TRIM71: variants seen among roughly 807,000 people sequenced by gnomAD.
TRIM71 encodes tripartite motif containing 71, also known as E3 ubiquitin-protein ligase TRIM71.
TRIM71 carries 9 observed loss-of-function variants against 61.2 expected under a neutral mutation model. That is an observed-to-expected ratio of 0.15 (90% CI 0.09 to 0.26). The LOEUF (loss-of-function observed/expected upper bound fraction) is 0.26. Among genes scored for constraint, TRIM71 ranks in the 10% least tolerant of loss-of-function variants. The probability of loss-of-function intolerance (pLI) is 1.00; values close to 1 mark genes in which losing one functional copy is unlikely to be tolerated. For synonymous variants in TRIM71, 645 were observed against 553.2 expected (o/e 1.17, Z -2.33); for missense variants, 998 against 1,238.7 (o/e 0.81, Z 2.92).
chr3:32,884,542 A>C (rs1167334296), intron 2 of TRIM71, among the ~76,000 whole-genome samples: 3 of 236 alleles, frequency 0.013, no homozygotes, highest in Non-Finnish European at 0.11. Flanking sequence ...CTCTATTTGA[A>C]AAAAAAAAAA....
At chr3:32,867,178 T>C (rs1440741024) in intron 1 of TRIM71, among the ~76,000 whole-genome samples, 10 of 151,178 alleles carry the variant, frequency 6.6e-5, no homozygotes, top group African/African-American at 2.2e-4. Context: ...ACCACCCCCC[T>C]CCCCCTCCTC....
chr3:32,831,954 A>G (rs2125676322), intron 1 of TRIM71, among the ~76,000 whole-genome samples: 1 of 152,286 alleles, frequency 6.6e-6, no homozygotes, highest in South Asian at 2.1e-4. Context: ...TTTGCCATCA[A>G]AATATTTGAA....
At chr3:32,864,955 T>C (rs1407440848) in intron 1 of TRIM71, among the ~76,000 whole-genome samples, 1 of 151,684 alleles carries the variant, frequency 6.6e-6, no homozygotes, top group Non-Finnish European at 1.5e-5. Flanking sequence ...TCATTTTCCC[T>C]GCCGGAATCC....
chr3:32,896,237 C>G lies in TRIM71; in HGVS notation c.*4426C>G, dbSNP rs773421840. The G allele has an allele frequency of 2.6e-5, 4 of 152,130 alleles. No homozygotes were observed. Among genetic ancestry groups the G allele is most frequent in the African/African-American group, 7.2e-5 (3 of 41,428 alleles). The allele number at this position is 152,130 out of a possible 1,614,324, so 9.4% of individuals were successfully genotyped here. A position where few individuals can be genotyped will look rare whatever the true frequency, so the allele number is the denominator to read the frequency against. ...ACCCTTTAGGAGCAATTCTAAAGGTCTAGATCTTGGAAACATCAAATATTT... is the reference window on the plus strand; with the variant it reads ...ACCCTTTAGGAGCAATTCTAAAGGTGTAGATCTTGGAAACATCAAATATTT... On this transcript the variant is annotated 3_prime_UTR_variant, in exon 4 of 4. Coordinates refer to ENST00000383763, the MANE Select transcript of TRIM71 (RefSeq NM_001039111.3).
chr3:32,823,102 TGA>T (rs1696160201), intron 1 of TRIM71, among the ~76,000 whole-genome samples: 1 of 152,210 alleles, frequency 6.6e-6, no homozygotes, highest in Admixed American at 6.5e-5. Context: ...CTAACTGCCT[TGA>T]AAATAATTAC....
At chr3:32,823,071 C>T (rs1401747525) in intron 1 of TRIM71, among the ~76,000 whole-genome samples, 1 of 152,190 alleles carries the variant, frequency 6.6e-6, no homozygotes, top group East Asian at 1.9e-4. Context: ...GACATCTCAC[C>T]TACTGGCTGG....
At chr3:32,844,532 G>A (rs952100833) in intron 1 of TRIM71, among the ~76,000 whole-genome samples, 4 of 152,052 alleles carry the variant, frequency 2.6e-5, no homozygotes, top group African/African-American at 9.7e-5. Flanking sequence ...GCGTAGCTAG[G>A]AGTACAGGCA....
intron 1 of TRIM71, among the ~76,000 whole-genome samples, chr3:32,848,886 G>T (rs1217605931): frequency 2.6e-5 from 4 of 152,128 alleles, no homozygotes; most frequent in African/African-American, 7.2e-5. Flanking sequence ...GGATTTCAGA[G>T]CCCTGCCAGA....
chr3:32,852,788 T>C (rs910818584), intron 1 of TRIM71, among the ~76,000 whole-genome samples: 1 of 152,018 alleles, frequency 6.6e-6, no homozygotes, highest in Admixed American at 6.6e-5. Context: ...AAACAAACTT[T>C]ATCTGGTATT....
intron 1 of TRIM71, among the ~76,000 whole-genome samples, chr3:32,829,290 T>A (rs896952608): frequency 2.0e-5 from 3 of 151,602 alleles, no homozygotes; most frequent in Non-Finnish European, 4.4e-5. Context: ...GTTCAAGTGA[T>A]TCTCCTGCCT....
At chr3:32,873,787 C>A in intron 1 of TRIM71, 31 bp from the exon 2 acceptor site, 1 of 1,474,502 alleles carries the variant, frequency 6.8e-7, no homozygotes, top group South Asian at 1.5e-5. Context: ...CCTGCATCTC[C>A]ATTTATGCCT....
Position 32,891,920 on chromosome 3 carries a change from G to A in TRIM71, c.*109G>A. On this transcript the variant is annotated 3_prime_UTR_variant, in exon 4 of 4. Transcript: ENST00000383763. The surrounding 1 kb of genome is among the most constrained non-coding windows in gnomAD (Gnocchi z 8.2). ...AATTTCAAAGAAGAAACAGTCTCAG[G>A]GAAATTTCTTTTTTCTTTTTTTTTT... 5 of 1,447,664 alleles carry A rather than the reference G, an allele frequency of 3.5e-6. No homozygotes were observed. The highest frequency in any genetic ancestry group is 2.9e-5 in the South Asian group (2 of 68,344). 89.7% of individuals were successfully genotyped at this position (1,447,664 alleles called of 1,614,324 possible).
intron 1 of TRIM71, among the ~76,000 whole-genome samples, chr3:32,835,634 GT>G (rs1398193882): frequency 6.6e-6 from 1 of 152,150 alleles, no homozygotes; most frequent in Non-Finnish European, 1.5e-5. Context: ...AATATTTGAT[GT>G]TTTTCATTTC....
intron 1 of TRIM71, among the ~76,000 whole-genome samples, chr3:32,866,843 G>A (rs1696741575): frequency 6.6e-6 from 1 of 152,088 alleles, no homozygotes; most frequent in South Asian, 2.1e-4. Context: ...GAGGAGTAAT[G>A]GCAACTTTTT....
chr3:32,890,301 ATTTT>A lies in TRIM71; in HGVS notation c.1156-58_1156-55del, dbSNP rs1697010435. 11 of 1,554,498 alleles carry A rather than the reference ATTTT, an allele frequency of 7.1e-6. No homozygotes were observed. Among genetic ancestry groups the A allele is most frequent in the Non-Finnish European group, 9.6e-6 (11 of 1,146,816 alleles). On this transcript the variant is annotated intron_variant, in intron 3 of 3. Coordinates refer to ENST00000383763, the MANE Select transcript of TRIM71 (RefSeq NM_001039111.3). This position sits in a 1 kb window ranked among gnomAD's most constrained non-coding sequence, Gnocchi z 6.2. Reference sequence around the variant, plus strand: ...TGTGATTAGTTGTGGCTTATGTGGTATTTTCTGTGCTTGGCTCTAAGCCTCTGTG... The same window carrying A: ...TGTGATTAGTTGTGGCTTATGTGGTACTGTGCTTGGCTCTAAGCCTCTGTG...
chr3:32,857,280 C>T (rs1696616317), intron 1 of TRIM71, among the ~76,000 whole-genome samples: 1 of 152,202 alleles, frequency 6.6e-6, no homozygotes, highest in Admixed American at 6.5e-5. Flanking sequence ...CACCTCAGTC[C>T]TCCTGGGTCT....
chr3:32,865,817 T>C (rs1483066821), intron 1 of TRIM71, among the ~76,000 whole-genome samples: 1 of 3,822 alleles, frequency 2.6e-4, no homozygotes, highest in Non-Finnish European at 5.5e-4. Flanking sequence ...CGCCCCACCT[T>C]TTTTTTTTTT....
intron 1 of TRIM71, among the ~76,000 whole-genome samples, chr3:32,833,183 T>TAAAAAAAAAAAAAAA (rs1696293408): frequency 2.6e-5 from 1 of 39,100 alleles, no homozygotes; most frequent in South Asian, 1.2e-3. Context: ...AACTCTGTCT[T>TAAAAAAAAAAAAAAA]TAAAAAAAAA....
At position 32,827,421 on chromosome 3, in the gene TRIM71, C is replaced by T. The variant is rs1413308623; in HGVS notation, c.852+8489C>T. Among the ~76,000 whole-genome samples the T allele has an allele frequency of 2.0e-5, 3 of 151,904 alleles. No homozygotes were observed. The East Asian group carries it at 5.8e-4, about 30-fold the overall frequency. On this transcript the variant is annotated intron_variant, in intron 1 of 3. Coordinates refer to ENST00000383763, the MANE Select transcript of TRIM71 (RefSeq NM_001039111.3). Reference sequence around the variant, plus strand: ...GGGATCACAGGCATGCACCACCATGCCTGACTAATTTTGTATTTTTAGTAG... The same window carrying T: ...GGGATCACAGGCATGCACCACCATGTCTGACTAATTTTGTATTTTTAGTAG...
Sources: allele counts gnomAD v4.1 joint callset (sites outside exome capture counted in the v4.1 genomes callset), GRCh38; gene constraint gnomAD v4.1.1; non-coding constraint Gnocchi (gnomAD v3.1); transcripts MANE v1.5; gene names NCBI Gene and HGNC (gene_info 2026-07-23, HGNC 2026-07-21).